Variants in TFDP2 observed in about 807,000 individuals in gnomAD.
TFDP2 encodes transcription factor Dp-2, also known as transcription factor Dp-2 (E2F dimerization partner 2).
Under a neutral mutation model 59.3 loss-of-function variants are expected in TFDP2, and 17 were observed. The ratio of observed to expected loss-of-function variants is 0.29; its 90% confidence interval spans 0.20 to 0.43. The LOEUF is 0.43. Ranked by LOEUF, TFDP2 falls within the 20% of genes least tolerant of loss-of-function variation. The probability of loss-of-function intolerance (pLI) is 1.00; values close to 1 mark genes in which losing one functional copy is unlikely to be tolerated. For missense variants in TFDP2, 391 were observed against 528.8 expected (o/e 0.74, Z 2.56); for synonymous variants, 180 against 194.7 (o/e 0.92, Z 0.63).
chr3:142,050,457 A>T (rs1947562507), intron 3 of TFDP2, among the ~76,000 whole-genome samples: 1 of 151,970 alleles, frequency 6.6e-6, no homozygotes, highest in South Asian at 2.1e-4. Context: ...GCACTTTAGG[A>T]GGCCGAGGCA....
At chr3:142,020,336 C>G (rs1173371555) in intron 3 of TFDP2, among the ~76,000 whole-genome samples, 1 of 152,052 alleles carries the variant, frequency 6.6e-6, no homozygotes, top group Non-Finnish European at 1.5e-5. Context: ...GAGTTCAAGA[C>G]TAGCCTGACC....
At chr3:142,070,425 A>T (rs191692157) in intron 3 of TFDP2, among the ~76,000 whole-genome samples, 1 of 152,156 alleles carries the variant, frequency 6.6e-6, no homozygotes, top group East Asian at 1.9e-4. Context: ...CTACAGATGC[A>T]TGCCACCAAG....
chr3:142,014,099 G>A (rs972402431), intron 3 of TFDP2, among the ~76,000 whole-genome samples: 4 of 152,036 alleles, frequency 2.6e-5, no homozygotes, highest in Non-Finnish European at 5.9e-5. Context: ...TATATACAGG[G>A]TCCAACTTCC....
chr3:142,057,555 T>C (rs1332784431), intron 3 of TFDP2, among the ~76,000 whole-genome samples: 2 of 152,218 alleles, frequency 1.3e-5, no homozygotes, highest in Admixed American at 1.3e-4. Flanking sequence ...TGGGAAGCTA[T>C]GAACTGTGGT....
intron 3 of TFDP2, among the ~76,000 whole-genome samples, chr3:142,084,692 C>CA (rs2060750467): frequency 1.3e-5 from 2 of 152,052 alleles, no homozygotes; most frequent in Admixed American, 1.3e-4. Context: ...AACCAGAGGT[C>CA]ATTATGTTAA....
chr3:142,060,558 A>G (rs928941915), intron 3 of TFDP2, among the ~76,000 whole-genome samples: 5 of 152,192 alleles, frequency 3.3e-5, no homozygotes, highest in African/African-American at 1.2e-4. Context: ...TAAAATGCCA[A>G]TGAGGTTAGC....
At chr3:142,076,748 T>C (rs2060471312) in intron 3 of TFDP2, among the ~76,000 whole-genome samples, 1 of 152,222 alleles carries the variant, frequency 6.6e-6, no homozygotes, top group South Asian at 2.1e-4. Flanking sequence ...TGTCACAAAA[T>C]GTTTCTCAAA....
chr3:142,094,242 A>G (rs1290301385), intron 2 of TFDP2, among the ~76,000 whole-genome samples: 3 of 152,080 alleles, frequency 2.0e-5, no homozygotes, highest in Non-Finnish European at 4.4e-5. Flanking sequence ...GAAACATTAC[A>G]ATTTTGTTAC....
intron 3 of TFDP2, among the ~76,000 whole-genome samples, chr3:142,044,942 GTTATTA>G (rs1947254598): frequency 1.3e-5 from 2 of 151,990 alleles, no homozygotes; most frequent in African/African-American, 4.8e-5. Context: ...TATATATTTA[GTTATTA>G]TTATTATAAT....
intron 2 of TFDP2, among the ~76,000 whole-genome samples, chr3:142,096,933 T>C (rs950773739): frequency 4.1e-4 from 62 of 152,232 alleles, no homozygotes; most frequent in Non-Finnish European, 8.2e-4. Context: ...GGCAAAAATA[T>C]ATCTATTAAT....
intron 4 of TFDP2, among the ~76,000 whole-genome samples, chr3:142,001,952 T>C (rs1408618238): frequency 6.6e-6 from 1 of 151,776 alleles, no homozygotes; most frequent in East Asian, 1.9e-4. Flanking sequence ...TGATCCTCTC[T>C]CCTTAGTCTC....
chr3:141,971,422 G>A (rs1464645579), intron 8 of TFDP2, among the ~76,000 whole-genome samples: 3 of 149,950 alleles, frequency 2.0e-5, no homozygotes, highest in Non-Finnish European at 3.0e-5. Flanking sequence ...GTTGGCAGGC[G>A]CCTGTAATCC....
Position 142,111,328 on chromosome 3 carries a change from T to C in TFDP2, c.-92-9487A>G, listed in dbSNP as rs552075662. On this transcript the variant is annotated intron_variant, in intron 1 of 12. Transcript: ENST00000489671. ...CCTGTAATCCCAACTACTCAGAGGC[T>C]GAGGCAGGAGAATTGCTTGAGCCCA... Among the ~76,000 whole-genome samples the C allele has an allele frequency of 1.1e-4, 17 of 148,224 alleles. No individual in the cohort carries two copies. The East Asian group carries it at 3.0e-3, about 26-fold the overall frequency.
rs1935945035 is a variant in TFDP2, at chr3:141,951,586, G to A, written c.*927C>T. The A allele has an allele frequency of 6.6e-6, 1 of 152,610 alleles. No homozygotes were observed. The highest frequency in any genetic ancestry group is 6.5e-5 in the Admixed American group (1 of 15,276). 9.5% of individuals were successfully genotyped at this position (152,610 alleles called of 1,614,324 possible). A position where few individuals can be genotyped will look rare whatever the true frequency, so the allele number is the denominator to read the frequency against. On this transcript the variant is annotated 3_prime_UTR_variant, in exon 13 of 13. Transcript: ENST00000489671. Reference sequence around the variant, plus strand: ...TTCATTTTCACAAATTGCACACTGGGTGAGATCATACAATTACTGCAGGGA... The same window carrying A: ...TTCATTTTCACAAATTGCACACTGGATGAGATCATACAATTACTGCAGGGA...
In TFDP2 at chr3:142,109,399, G is replaced by C. The variant is rs111298126; in HGVS notation, c.-92-7558C>G. ...GCTAGAGGGCAACGGTGCGATCTCGGCTCAGTGAAACCTCTGGCCCCTGGG... is the reference window on the plus strand; with the variant it reads ...GCTAGAGGGCAACGGTGCGATCTCGCCTCAGTGAAACCTCTGGCCCCTGGG... On this transcript the variant is annotated intron_variant, in intron 1 of 12. Transcript: ENST00000489671. Among the ~76,000 whole-genome samples the C allele has an allele frequency of 3.8e-3, 574 of 151,506 alleles. 1 individual carries two copies. The highest frequency in any genetic ancestry group is 0.013 in the African/African-American group (520 of 41,158).
At chr3:142,041,048 T>C (rs771867561) in intron 3 of TFDP2, among the ~76,000 whole-genome samples, 6 of 152,218 alleles carry the variant, frequency 3.9e-5, no homozygotes, top group Non-Finnish European at 7.3e-5. Context: ...TAATAAACTG[T>C]AACTGTGAGT....
intron 3 of TFDP2, among the ~76,000 whole-genome samples, chr3:142,079,949 A>T (rs2108577976): frequency 6.6e-6 from 1 of 152,300 alleles, no homozygotes; most frequent in Non-Finnish European, 1.5e-5. Flanking sequence ...AAATCATCTG[A>T]AGGTACAAAA....
chr3:142,062,401 A>ATGTG (rs539864134), intron 3 of TFDP2, among the ~76,000 whole-genome samples: 2 of 144,006 alleles, frequency 1.4e-5, no homozygotes, highest in African/African-American at 2.6e-5. Flanking sequence ...TATAATATAT[A>ATGTG]TGTGTGTGTG....
chr3:142,011,944 C>A (rs992006836), intron 3 of TFDP2, among the ~76,000 whole-genome samples: 2 of 151,858 alleles, frequency 1.3e-5, no homozygotes, highest in Non-Finnish European at 2.9e-5. Flanking sequence ...ATAAACTGAC[C>A]CTTGTTAGAA....
Sources: gnomAD v4.1 joint callset for allele counts (sites outside exome capture counted in the v4.1 genomes callset) on GRCh38, gnomAD v4.1.1 for gene constraint, MANE v1.5 for transcripts, NCBI Gene and HGNC (gene_info 2026-07-23, HGNC 2026-07-21) for gene names.